The following CAMK1D variants were observed in gnomAD, a reference collection of about 807,000 sequenced individuals.
CAMK1D encodes the protein calcium/calmodulin dependent protein kinase ID, also known as calcium/calmodulin-dependent protein kinase type 1D.
A neutral mutation model predicts 47.7 loss-of-function variants in CAMK1D; 9 were observed. The ratio of observed to expected loss-of-function variants is 0.19; its 90% CI spans 0.11 to 0.33. CAMK1D has a LOEUF of 0.33. Ranked by LOEUF, CAMK1D falls within the 10% of genes least tolerant of loss-of-function variation. The pLI is 1.00. For synonymous variants in CAMK1D, 184 were observed against 184.9 expected, an observed-to-expected ratio of 0.99 and a Z score of 0.04; for missense variants, 291 against 488.7, an observed-to-expected ratio of 0.60 and a Z score of 3.81.
intron 1 of CAMK1D, among the ~76,000 whole-genome samples, chr10:12,404,517 G>A (rs985967940): frequency 7.2e-5 from 11 of 152,180 alleles, no homozygotes; most frequent in African/African-American, 2.7e-4. Context: ...TTAAACAAGT[G>A]TAGGAAAGCT....
chr10:12,354,489 G>C (rs1343822192), intron 1 of CAMK1D, among the ~76,000 whole-genome samples: 5 of 151,404 alleles, frequency 3.3e-5, no homozygotes, highest in African/African-American at 1.2e-4. Context: ...GCAGTGGCGG[G>C]ATCTCAGCTC....
chr10:12,549,873 C>T (rs574257565), intron 1 of CAMK1D, among the ~76,000 whole-genome samples: 13 of 152,358 alleles, frequency 8.5e-5, no homozygotes, highest in African/African-American at 3.1e-4. Context: ...CCTCGCTCCC[C>T]TCCCCAGTCT....
At chr10:12,608,855 C>T (rs568204035) in intron 2 of CAMK1D, among the ~76,000 whole-genome samples, 40 of 152,296 alleles carry the variant, frequency 2.6e-4, no homozygotes, top group African/African-American at 9.1e-4. Flanking sequence ...TCTGTGTAAA[C>T]GTGGGCAAGT....
Position 12,494,552 on chromosome 10 carries a change from C to T in CAMK1D, c.93-58673C>T, listed in dbSNP as rs116356486. Among the ~76,000 whole-genome samples, 616 of 152,080 alleles carry T rather than the reference C, an allele frequency of 4.1e-3. 4 individuals are homozygous for T. The highest frequency in any genetic ancestry group is 0.014 in the African/African-American group (600 of 41,490). Reference sequence around the variant, plus strand: ...TGTGTCCATTTCCTATTTGCTTTTGCCTTGAATTTTCTTTCTTTTTTCAGT... The same window carrying T: ...TGTGTCCATTTCCTATTTGCTTTTGTCTTGAATTTTCTTTCTTTTTTCAGT... On this transcript the variant is annotated intron_variant, in intron 1 of 10. Coordinates refer to ENST00000619168, the MANE Select transcript of CAMK1D (RefSeq NM_153498.4).
At chr10:12,739,390 C>T (rs1454245008) in intron 3 of CAMK1D, among the ~76,000 whole-genome samples, 2 of 151,962 alleles carry the variant, frequency 1.3e-5, no homozygotes, top group South Asian at 2.1e-4. Context: ...GTTTTCCTGC[C>T]TCAGCCTCCG....
intron 2 of CAMK1D, among the ~76,000 whole-genome samples, chr10:12,641,553 A>G (rs1455227955): frequency 1.3e-4 from 19 of 151,776 alleles, no homozygotes; most frequent in Admixed American, 1.2e-3. Flanking sequence ...GGGGAGGTCG[A>G]GGCTGCAGTG....
intron 2 of CAMK1D, among the ~76,000 whole-genome samples, chr10:12,656,587 T>C (rs1335489365): frequency 6.6e-6 from 1 of 152,256 alleles, no homozygotes; most frequent in Non-Finnish European, 1.5e-5. Context: ...GAAAAACTCA[T>C]TTCACAATCA....
chr10:12,769,560 A>G lies in CAMK1D; in HGVS notation c.439-113A>G, dbSNP rs113340699. On this transcript the variant is annotated intron_variant, in intron 4 of 10. Coordinates refer to ENST00000619168, the MANE Select transcript of CAMK1D (RefSeq NM_153498.4). ...TTTAGTTGATGCATCTACTGTGTCC[A>G]AAGGTCAAGGACGTCCTGACGTTGT... is the stretch of plus-strand genomic sequence containing the variant. 5,016 of 1,228,074 alleles carry G rather than the reference A, an allele frequency of 4.1e-3. 84 individuals carry two copies. In the East Asian group the frequency reaches 0.053, roughly 13 times the overall value. 76.1% of individuals were successfully genotyped at this position (1,228,074 alleles called of 1,614,324 possible).
intron 1 of CAMK1D, among the ~76,000 whole-genome samples, chr10:12,537,520 C>T: frequency 6.6e-6 from 1 of 152,232 alleles, no homozygotes; most frequent in Non-Finnish European, 1.5e-5. Flanking sequence ...AAAAGCCTGC[C>T]TTGCTGAGGT....
intron 2 of CAMK1D, among the ~76,000 whole-genome samples, chr10:12,647,145 C>CTTTTTTTTTT (rs397693477): frequency 7.8e-5 from 6 of 76,782 alleles, no homozygotes; most frequent in Non-Finnish European, 1.2e-4. Context: ...CCAGGCTAGC[C>CTTTTTTTTTT]TTTTTTTTTT....
chr10:12,511,332 A>G (rs2815654), intron 1 of CAMK1D, among the ~76,000 whole-genome samples: 77,227 of 151,952 alleles, frequency 0.51, 19,810 homozygotes, highest in South Asian at 0.61. Flanking sequence ...CAGGCACAGT[A>G]GCTTATGCCT....
chr10:12,362,389 A>G (rs114624318), intron 1 of CAMK1D, among the ~76,000 whole-genome samples: 40 of 152,228 alleles, frequency 2.6e-4, no homozygotes, highest in African/African-American at 9.4e-4. Flanking sequence ...TCCAGAATCA[A>G]CCTGCCGCGG....
intron 3 of CAMK1D, among the ~76,000 whole-genome samples, chr10:12,746,363 C>CAAAAAAAA (rs542434085): frequency 2.3e-5 from 2 of 86,832 alleles, no homozygotes; most frequent in Non-Finnish European, 4.5e-5. Flanking sequence ...GACTCCGTCT[C>CAAAAAAAA]AAAAAAAAAA....
intron 1 of CAMK1D, among the ~76,000 whole-genome samples, chr10:12,422,254 G>T (rs1163182916): frequency 6.6e-6 from 1 of 152,202 alleles, no homozygotes; most frequent in Non-Finnish European, 1.5e-5. Context: ...GCTAGCAGGT[G>T]TTGAGGGGCA....
At chr10:12,427,700 G>GTTTTTTTTGTTTTTTTTTTTTTTT (rs1840285327) in intron 1 of CAMK1D, among the ~76,000 whole-genome samples, 2 of 31,040 alleles carry the variant, frequency 6.4e-5, no homozygotes, top group African/African-American at 2.1e-4. Flanking sequence ...TGAACTTACT[G>GTTTTTTTTGTTTTTTTTTTTTTTT]TTTTTTTTTT....
At chr10:12,468,730 T>C (rs1426205382) in intron 1 of CAMK1D, among the ~76,000 whole-genome samples, 2 of 152,148 alleles carry the variant, frequency 1.3e-5, no homozygotes, top group Non-Finnish European at 2.9e-5. Context: ...TGGAGTAGTT[T>C]AGGCTTGTCA....
At chr10:12,408,865 T>G (rs1359108329) in intron 1 of CAMK1D, among the ~76,000 whole-genome samples, 2 of 149,252 alleles carry the variant, frequency 1.3e-5, no homozygotes, top group Non-Finnish European at 3.0e-5. Flanking sequence ...TTTTTTTTTT[T>G]TGTTCTGAGT....
chr10:12,417,828 G>A (rs1203436785), intron 1 of CAMK1D, among the ~76,000 whole-genome samples: 3 of 150,626 alleles, frequency 2.0e-5, no homozygotes, highest in African/African-American at 7.3e-5. Flanking sequence ...TTGAGATGGA[G>A]CCTCACTCTG....
intron 3 of CAMK1D, among the ~76,000 whole-genome samples, chr10:12,745,410 C>T (rs533299703): frequency 1.9e-4 from 29 of 152,052 alleles, no homozygotes; most frequent in Non-Finnish European, 3.2e-4. Flanking sequence ...CGTGTGCGCA[C>T]GCACACACAC....
Sources: gnomAD v4.1 joint callset for allele counts (sites outside exome capture counted in the v4.1 genomes callset) on GRCh38, gnomAD v4.1.1 for gene constraint, MANE v1.5 for transcripts, NCBI Gene and HGNC (gene_info 2026-07-23, HGNC 2026-07-21) for gene names.